The following DIO2 variants were observed in gnomAD, a reference collection of about 807,000 sequenced individuals.
DIO2 encodes type II iodothyronine deiodinase.
Under a neutral mutation model 21.4 loss-of-function variants are expected in DIO2, and 19 were observed. That is an observed-to-expected ratio of 0.89 (90% CI 0.62 to 1.30). The LOEUF (loss-of-function observed/expected upper bound fraction) is 1.30, where lower values mean the gene tolerates loss of function less well. DIO2 is among the 50% of genes most tolerant of loss of function. The pLI is 0.00. For synonymous variants in DIO2, 122 were observed against 132.9 expected (o/e 0.92, Z 0.57); for missense variants, 302 against 338.1 (o/e 0.89, Z 0.84).
intron 1 of DIO2, among the ~76,000 whole-genome samples, chr14:80,211,047 CAG>C (rs1888163709): frequency 6.6e-6 from 1 of 152,312 alleles, no homozygotes; most frequent in East Asian, 1.9e-4. Context: ...TTAGGTCACA[CAG>C]AGTCATTATG....
rs77388857 is a variant in DIO2 at position 80,200,255 on chromosome 14, C to G, written c.*2434G>C. The G allele has an allele frequency of 6.6e-3, 1,012 of 152,704 alleles. 6 individuals are homozygous for G. The highest frequency in any genetic ancestry group is 0.011 in the Admixed American group (173 of 15,288). The allele number at this position is 152,704 out of a possible 1,614,324, so 9.5% of individuals were successfully genotyped here. ...ATTGAACATCTTCCTCCCTGATAGC[C>G]CATGTCTTTCTATGTTTCCTTCCTC... On this transcript the variant is annotated 3_prime_UTR_variant, in exon 2 of 2. Transcript: ENST00000438257.
intron 2 of DIO2, among the ~76,000 whole-genome samples, chr14:80,229,920 G>T (rs1888651591): frequency 6.6e-6 from 1 of 152,090 alleles, no homozygotes; most frequent in African/African-American, 2.4e-5. Context: ...ACCTCCTCAT[G>T]AGTCACACTC....
chr14:80,216,435 C>A (rs929475377), upstream of DIO2, among the ~76,000 whole-genome samples: 1 of 152,092 alleles, frequency 6.6e-6, no homozygotes, highest in Non-Finnish European at 1.5e-5. Flanking sequence ...TTAGGATTGG[C>A]CTAGTCTGGA....
At chr14:80,213,126 G>C (rs1888266147), upstream of DIO2, among the ~76,000 whole-genome samples, 1 of 152,206 alleles carries the variant, frequency 6.6e-6, no homozygotes, top group Non-Finnish European at 1.5e-5. Flanking sequence ...ATTGGTTCAA[G>C]GTGCCACATT....
At chr14:80,222,438 C>A (rs114483990) in intron 2 of DIO2, among the ~76,000 whole-genome samples, 1 of 152,306 alleles carries the variant, frequency 6.6e-6, no homozygotes, top group African/African-American at 2.4e-5. Flanking sequence ...TTTCTATCTA[C>A]CTAGCCTTCC....
rs767210617 is a variant in DIO2 at position 80,202,879 on chromosome 14, A to G, written c.632T>C (p.Val211Ala). 1 of 1,613,984 alleles carries G rather than the reference A, an allele frequency of 6.2e-7. No individual in the cohort carries two copies. Among genetic ancestry groups the G allele is most frequent in the South Asian group, 1.1e-5 (1 of 91,082 alleles). ...RFSLPPQCRV[V>A]ADRMDNNANI... is the part of the protein sequence containing the mutation. ...GGCGTTATTGTCCATGCGGTCAGCC[A>G]CAACTCGGCACTGGGGCGGCAAGGA... Residue 211 changes from valine (V) to alanine (A), a missense_variant, in exon 2 of 2, where the codon GTG (valine) becomes GCG (alanine). Val to Ala is a moderately conservative substitution (Grantham distance 64). Transcript: ENST00000438257.
chr14:80,215,802 ACT>A (rs1039272225), upstream of DIO2, among the ~76,000 whole-genome samples: 2 of 152,200 alleles, frequency 1.3e-5, no homozygotes, highest in Non-Finnish European at 2.9e-5. Context: ...GCCTCCAGTG[ACT>A]CTGCCTGACA....
intron 2 of DIO2, among the ~76,000 whole-genome samples, chr14:80,216,967 C>G (rs993763284): frequency 6.6e-6 from 1 of 152,104 alleles, no homozygotes; most frequent in African/African-American, 2.4e-5. Context: ...ATGTGAACAC[C>G]AAGCATGACA....
At chr14:80,223,012 C>G (rs1009365439) in intron 2 of DIO2, among the ~76,000 whole-genome samples, 4 of 151,934 alleles carry the variant, frequency 2.6e-5, no homozygotes, top group African/African-American at 9.7e-5. Context: ...CTGAAGCATA[C>G]CACCATGCCT....
chr14:80,220,493 C>T (rs897054760), intron 2 of DIO2, among the ~76,000 whole-genome samples: 6 of 151,994 alleles, frequency 3.9e-5, no homozygotes, highest in African/African-American at 1.2e-4. Context: ...TAATTTAGAG[C>T]CATTCCTTTC....
At chr14:80,207,330 G>A (rs2267872) in intron 1 of DIO2, among the ~76,000 whole-genome samples, 14,872 of 152,258 alleles carry the variant, frequency 0.098, 862 homozygotes, top group East Asian at 0.3. Flanking sequence ...ACTGTGAAAT[G>A]CAGGGCAAGG....
chr14:80,214,911 C>A (rs1167504466), upstream of DIO2, among the ~76,000 whole-genome samples: 1 of 152,004 alleles, frequency 6.6e-6, no homozygotes, highest in Non-Finnish European at 1.5e-5. Context: ...CACTTTTTTT[C>A]TTTAATGTCT....
upstream of DIO2, among the ~76,000 whole-genome samples, chr14:80,213,363 G>A (rs534682374): frequency 3.3e-5 from 5 of 152,312 alleles, no homozygotes; most frequent in Admixed American, 3.3e-4. Context: ...TAAGCAGTAG[G>A]TGCAAGCTTG....
chr14:80,199,156 C>T lies in DIO2; in HGVS notation c.*3533G>A, dbSNP rs1887612284. On this transcript the variant is annotated 3_prime_UTR_variant, in exon 2 of 2. Coordinates refer to ENST00000438257, the MANE Select transcript of DIO2 (RefSeq NM_013989.5). ...CCGAAGGCATACATACTGTCTCTAA[C>T]CTGCCCTCTAGAATTTTATGCAGCA... 1 of 152,240 alleles carries T rather than the reference C, an allele frequency of 6.6e-6. No homozygotes were observed. Among genetic ancestry groups the T allele is most frequent in the East Asian group, 1.9e-4 (1 of 5,202 alleles). The allele number at this position is 152,240 out of a possible 1,614,324, so 9.4% of individuals were successfully genotyped here.
chr14:80,222,867 T>C (rs979426566), intron 2 of DIO2, among the ~76,000 whole-genome samples: 2 of 151,730 alleles, frequency 1.3e-5, no homozygotes, highest in Admixed American at 1.3e-4. Context: ...TTTCTTTTTT[T>C]TTTTTTTTGA....
intron 2 of DIO2, among the ~76,000 whole-genome samples, chr14:80,218,075 A>G (rs1470302011): frequency 1.3e-5 from 2 of 152,234 alleles, no homozygotes; most frequent in Non-Finnish European, 2.9e-5. Flanking sequence ...TCAAGTTTAT[A>G]AGAAACTTAG....
chr14:80,221,384 C>A (rs1321059869), intron 2 of DIO2, among the ~76,000 whole-genome samples: 2 of 152,140 alleles, frequency 1.3e-5, no homozygotes, highest in South Asian at 4.1e-4. Context: ...TGTCTGAGTA[C>A]CTACATGCTA....
intron 1 of DIO2, chr14:80,206,215 A>G: frequency 6.9e-7 from 1 of 1,447,658 alleles, no homozygotes; most frequent in Non-Finnish European, 9.3e-7. Flanking sequence ...ACTAAGAAGG[A>G]AAAACACACA....
upstream of DIO2, among the ~76,000 whole-genome samples, chr14:80,214,745 T>C (rs1339532496): frequency 6.6e-6 from 1 of 152,214 alleles, no homozygotes. Context: ...ATTTACCACA[T>C]TGATTTTCAA....
Sources: allele counts gnomAD v4.1 joint callset (sites outside exome capture counted in the v4.1 genomes callset), GRCh38; gene constraint gnomAD v4.1.1; transcripts MANE v1.5; gene names NCBI Gene and HGNC (gene_info 2026-07-23, HGNC 2026-07-21).